The following SPON1 variants were observed in gnomAD, a reference collection of about 807,000 sequenced individuals.
SPON1 encodes spondin-1.
Under a neutral mutation model 111.7 loss-of-function variants are expected in SPON1, and 52 were observed. The observed-to-expected ratio is 0.47, with a 90% CI of 0.37 to 0.59. SPON1 has a LOEUF of 0.59. SPON1 is among the 20% of genes least tolerant of loss of function. SPON1 has a pLI of 0.00. For synonymous variants in SPON1, 410 were observed against 395.8 expected, an observed-to-expected ratio of 1.04 and a Z score of -0.43; for missense variants, 957 against 1,068.5, an observed-to-expected ratio of 0.90 and a Z score of 1.46.
chr11:14,147,159 A>T (rs1847730785), intron 6 of SPON1, among the ~76,000 whole-genome samples: 1 of 149,514 alleles, frequency 6.7e-6, no homozygotes, highest in Non-Finnish European at 1.5e-5. Context: ...CCTCCTGAGT[A>T]GCCGGGACTA....
At chr11:14,166,255 A>G (rs782296074) in intron 6 of SPON1, among the ~76,000 whole-genome samples, 5 of 152,224 alleles carry the variant, frequency 3.3e-5, no homozygotes, top group Non-Finnish European at 4.4e-5. Flanking sequence ...GTGCTTATAC[A>G]ATTAACTATA....
intron 8 of SPON1, 151 bp from the exon 9 acceptor site, chr11:14,255,496 A>G (rs1242661322): frequency 7.5e-6 from 5 of 667,956 alleles, no homozygotes; most frequent in Admixed American, 5.6e-5. Flanking sequence ...TCAGCACAGT[A>G]TGTGGCATGA....
chr11:14,081,114 T>G (rs972210389), intron 5 of SPON1, among the ~76,000 whole-genome samples: 1 of 152,096 alleles, frequency 6.6e-6, no homozygotes, highest in Admixed American at 6.5e-5. Flanking sequence ...CATAACATTG[T>G]TATCAAGATA....
chr11:14,166,374 C>A (rs1475862168), intron 6 of SPON1, among the ~76,000 whole-genome samples: 1 of 152,160 alleles, frequency 6.6e-6, no homozygotes, highest in Non-Finnish European at 1.5e-5. Context: ...GTATATTTTA[C>A]TCACTTGTTA....
intron 2 of SPON1, among the ~76,000 whole-genome samples, chr11:14,007,570 A>T (rs1449827165): frequency 6.6e-6 from 1 of 152,186 alleles, no homozygotes; most frequent in Non-Finnish European, 1.5e-5. Flanking sequence ...TGCCTTCCCC[A>T]GTCCACTGAC....
At chr11:14,195,757 G>A (rs1291310878) in intron 6 of SPON1, among the ~76,000 whole-genome samples, 3 of 152,190 alleles carry the variant, frequency 2.0e-5, no homozygotes, top group Admixed American at 1.3e-4. Context: ...CTGGGGCTCT[G>A]TTGGTGGGGA....
At chr11:13,998,256 A>T (rs1166040072) in intron 2 of SPON1, among the ~76,000 whole-genome samples, 1 of 152,190 alleles carries the variant, frequency 6.6e-6, no homozygotes, top group Non-Finnish European at 1.5e-5. Context: ...GTGAACAAAG[A>T]CTAAGCCACC....
At chr11:14,078,551 AGAT>A (rs1848936301) in intron 4 of SPON1, among the ~76,000 whole-genome samples, 1 of 152,188 alleles carries the variant, frequency 6.6e-6, no homozygotes, top group Non-Finnish European at 1.5e-5. Context: ...AGACCTATCC[AGAT>A]GAGGTCTTTC....
intron 1 of SPON1, among the ~76,000 whole-genome samples, chr11:13,967,999 A>T (rs1848032469): frequency 6.6e-6 from 1 of 152,208 alleles, no homozygotes; most frequent in South Asian, 2.1e-4. Context: ...TCCCCCATAC[A>T]CAGATAAGCT....
chr11:14,138,628 C>T (rs1030427616), intron 6 of SPON1, among the ~76,000 whole-genome samples: 7 of 152,028 alleles, frequency 4.6e-5, no homozygotes, highest in South Asian at 2.1e-4. Flanking sequence ...CCAAGGCAGG[C>T]GGGGGCTGTA....
At position 14,135,423 on chromosome 11, in the gene SPON1, G is replaced by A. The variant is rs782401616; in HGVS notation, c.680G>A (p.Arg227Gln). 29 of 1,604,886 alleles carry A rather than the reference G, an allele frequency of 1.8e-5. No individual in the cohort carries two copies. Among genetic ancestry groups the A allele is most frequent in the East Asian group, 2.2e-5 (1 of 44,652 alleles). ...GCCTCCTGATTGGCTTTCCCAGGTC[G>A]GGCCAACCACTGGTCTGCGATCATC... ...EKTHPKDYPR[R>Q]ANHWSAIIGG... Residue 227 changes from arginine (R) to glutamine (Q), a missense_variant, in exon 6 of 16, where the codon CGG becomes CAG. Coordinates refer to ENST00000576479, the MANE Select transcript of SPON1 (RefSeq NM_006108.4). This position sits in a 1 kb window ranked among gnomAD's most constrained non-coding sequence, Gnocchi z 4.4.
At chr11:14,006,593 G>C (rs1055342293) in intron 2 of SPON1, among the ~76,000 whole-genome samples, 4 of 152,256 alleles carry the variant, frequency 2.6e-5, no homozygotes, top group East Asian at 1.9e-4. Flanking sequence ...TGGTGGACCG[G>C]TGGTCCATTG....
rs372857590 is a variant in SPON1 at position 14,173,755 on chromosome 11, A to T, written c.825+38187A>T. 6.6e-5 allele frequency among the ~76,000 whole-genome samples: 10 copies of T among 152,178 alleles called. No individual in the cohort carries two copies. In the South Asian group the frequency reaches 2.1e-3, roughly 32 times the overall value. On this transcript the variant is annotated intron_variant, in intron 6 of 15. Transcript: ENST00000576479. ...GTCTGTTGGAGTTTGCTGGAGGTCC[A>T]CTCCAGACCCTGTTTACCTGGGTGT...
At chr11:14,090,981 C>T (rs1396167816) in intron 5 of SPON1, among the ~76,000 whole-genome samples, 1 of 151,956 alleles carries the variant, frequency 6.6e-6, no homozygotes, top group African/African-American at 2.4e-5. Context: ...TTTTGACACA[C>T]AGGTTCTCCA....
chr11:14,167,276 AT>A (rs1258124611), intron 6 of SPON1, among the ~76,000 whole-genome samples: 63 of 151,484 alleles, frequency 4.2e-4, no homozygotes, highest in African/African-American at 1.3e-3. Flanking sequence ...ATAATTTATA[AT>A]TTTTTTTTGG....
chr11:13,983,560 A>G (rs1848160525), intron 2 of SPON1, among the ~76,000 whole-genome samples: 1 of 152,194 alleles, frequency 6.6e-6, no homozygotes, highest in South Asian at 2.1e-4. Flanking sequence ...GTGGGTCAAG[A>G]AAAGAAAGGG....
At chr11:13,980,797 T>C (rs1848138052) in intron 1 of SPON1, among the ~76,000 whole-genome samples, 1 of 152,194 alleles carries the variant, frequency 6.6e-6, no homozygotes, top group African/African-American at 2.4e-5. Context: ...ACATGATGAA[T>C]ATATTCGGTT....
At chr11:14,193,804 G>A (rs1848372408) in intron 6 of SPON1, among the ~76,000 whole-genome samples, 1 of 152,210 alleles carries the variant, frequency 6.6e-6, no homozygotes, top group Non-Finnish European at 1.5e-5. Flanking sequence ...ATCCAGGAGG[G>A]CTCATGGCAG....
intron 4 of SPON1, 30 bp downstream of exon 4, chr11:14,075,448 G>A: frequency 6.7e-7 from 1 of 1,484,598 alleles, no homozygotes; most frequent in Non-Finnish European, 9.2e-7. Context: ...GAGGGGGAGG[G>A]GCAGAGACAT....
Sources: gnomAD v4.1 joint callset for allele counts (sites outside exome capture counted in the v4.1 genomes callset) on GRCh38, gnomAD v4.1.1 for gene constraint, Gnocchi (gnomAD v3.1) non-coding constraint, MANE v1.5 for transcripts, NCBI Gene and HGNC (gene_info 2026-07-23, HGNC 2026-07-21) for gene names.